CCDC91: variants seen among roughly 807,000 people sequenced by gnomAD.
CCDC91 encodes coiled-coil domain-containing protein 91.
In CCDC91, 48 loss-of-function variants were observed where a neutral mutation model predicts 63.2. The ratio of observed to expected loss-of-function variants is 0.76; its 90% CI spans 0.60 to 0.97. The LOEUF (loss-of-function observed/expected upper bound fraction) is 0.97, where lower values mean the gene tolerates loss of function less well. Ranked by LOEUF, CCDC91 falls within the 50% of genes least tolerant of loss-of-function variation. The probability of loss-of-function intolerance (pLI) is 0.00; values close to 1 mark genes in which losing one functional copy is unlikely to be tolerated. For synonymous variants in CCDC91, 167 were observed against 165.8 expected (o/e 1.01, Z -0.06); for missense variants, 500 against 494.6 (o/e 1.01, Z -0.10).
At chr12:28,372,057 G>A (rs1489657571) in intron 7 of CCDC91, among the ~76,000 whole-genome samples, 4 of 152,174 alleles carry the variant, frequency 2.6e-5, no homozygotes, top group African/African-American at 7.2e-5. Flanking sequence ...TCTATATGTG[G>A]ATATCCAGTT....
chr12:28,320,104 TATG>T (rs1314924271), intron 6 of CCDC91, among the ~76,000 whole-genome samples: 11 of 151,996 alleles, frequency 7.2e-5, no homozygotes. Flanking sequence ...CTATTATAAT[TATG>T]ATACTTTTTC....
intron 11 of CCDC91, among the ~76,000 whole-genome samples, chr12:28,470,175 A>G (rs1369886027): frequency 1.2e-4 from 18 of 152,274 alleles, no homozygotes; most frequent in Non-Finnish European, 2.2e-4. Context: ...AATATTTGCA[A>G]ACAACCCATC....
intron 12 of CCDC91, among the ~76,000 whole-genome samples, chr12:28,524,403 T>G (rs766310378): frequency 1.3e-5 from 2 of 152,166 alleles, no homozygotes; most frequent in African/African-American, 2.4e-5. Flanking sequence ...TGTATCACAT[T>G]TATTGACTTG....
At chr12:28,319,252 A>G (rs1457884462) in intron 6 of CCDC91, 2 of 152,014 alleles carry the variant, frequency 1.3e-5, no homozygotes, top group Admixed American at 1.3e-4. Context: ...TGTAAAAATA[A>G]TTCCATGATT....
rs532660826 is a variant in CCDC91, at chr12:28,253,210, G to T, written c.-14-3992G>T. Among the ~76,000 whole-genome samples, 202 of 152,262 alleles carry T rather than the reference G, an allele frequency of 1.3e-3. 1 individual carries two copies. The highest frequency in any genetic ancestry group is 4.5e-3 in the African/African-American group (187 of 41,542). On this transcript the variant is annotated intron_variant, in intron 1 of 12. Coordinates refer to ENST00000536442, the MANE Select transcript of CCDC91 (RefSeq NM_018318.5). ...TCTGATAAGGTCCTTTTCATGGGTT[G>T]AGTAGATTCATCACTGAAGAATCTG...
chr12:28,425,868 C>A (rs1290571844), intron 8 of CCDC91, among the ~76,000 whole-genome samples: 6 of 152,152 alleles, frequency 3.9e-5, no homozygotes, highest in African/African-American at 1.2e-4. Flanking sequence ...TCTGTTTCAG[C>A]AATCCCACCA....
At chr12:28,361,576 AT>A (rs146038101) in intron 6 of CCDC91, among the ~76,000 whole-genome samples, 1 of 150,624 alleles carries the variant, frequency 6.6e-6, no homozygotes, top group African/African-American at 2.4e-5. Context: ...TGTAGTCTTT[AT>A]TTTTTTTCAC....
At chr12:28,493,262 T>C (rs1023836615) in intron 12 of CCDC91, among the ~76,000 whole-genome samples, 2 of 151,768 alleles carry the variant, frequency 1.3e-5, no homozygotes, top group East Asian at 1.9e-4. Flanking sequence ...CTGCAAACTA[T>C]ATGGTGAGAT....
chr12:28,266,706 G>GTGT (rs1166312942), intron 3 of CCDC91, among the ~76,000 whole-genome samples: 1 of 151,816 alleles, frequency 6.6e-6, no homozygotes, highest in Non-Finnish European at 1.5e-5. Context: ...AAGGACTGTG[G>GTGT]TGTGCATTTT....
intron 1 of CCDC91, among the ~76,000 whole-genome samples, chr12:28,195,424 G>C (rs1308617744): frequency 6.6e-6 from 1 of 151,766 alleles, no homozygotes; most frequent in Non-Finnish European, 1.5e-5. Context: ...CGGAAGTCCA[G>C]CCGGCTTCAC....
chr12:28,310,031 T>C (rs1291698499), intron 6 of CCDC91, among the ~76,000 whole-genome samples: 1 of 152,066 alleles, frequency 6.6e-6, no homozygotes. Context: ...ATATAGTGCA[T>C]GTTCAATGAA....
intron 7 of CCDC91, among the ~76,000 whole-genome samples, chr12:28,387,689 C>T (rs1945689243): frequency 6.6e-6 from 1 of 152,186 alleles, no homozygotes; most frequent in South Asian, 2.1e-4. Context: ...AGTCTTCAGT[C>T]CCATCCAGGT....
At chr12:28,483,723 C>G (rs1566046220) in intron 11 of CCDC91, among the ~76,000 whole-genome samples, 1 of 152,078 alleles carries the variant, frequency 6.6e-6, no homozygotes. Context: ...AGTTGGAAGT[C>G]TTATGTGGAT....
At chr12:28,420,983 G>A (rs1289915112) in intron 8 of CCDC91, among the ~76,000 whole-genome samples, 1 of 151,900 alleles carries the variant, frequency 6.6e-6, no homozygotes, top group Non-Finnish European at 1.5e-5. Context: ...TTATATCCAT[G>A]TGTTACTTTC....
intron 1 of CCDC91, among the ~76,000 whole-genome samples, chr12:28,241,239 T>G (rs1945316492): frequency 6.6e-6 from 1 of 152,222 alleles, no homozygotes; most frequent in South Asian, 2.1e-4. Flanking sequence ...AAGAACATGC[T>G]TTCTTTTCAT....
At chr12:28,190,927 A>G (rs949561783) in intron 1 of CCDC91, among the ~76,000 whole-genome samples, 3 of 152,208 alleles carry the variant, frequency 2.0e-5, no homozygotes, top group African/African-American at 4.8e-5. Context: ...TCGAAAGTCT[A>G]CGCCCACGAA....
intron 7 of CCDC91, among the ~76,000 whole-genome samples, chr12:28,382,527 C>A (rs1216151348): frequency 6.6e-6 from 1 of 152,008 alleles, no homozygotes; most frequent in East Asian, 1.9e-4. Context: ...AGAAACTCTT[C>A]TTCTCCTCAT....
chr12:28,255,884 A>G (rs1946411897), intron 1 of CCDC91: 2 of 152,116 alleles, frequency 1.3e-5, no homozygotes, highest in Admixed American at 1.3e-4. Context: ...TGTTAGCACT[A>G]GTTTCCAGAA....
At chr12:28,544,083 AGCATGGTCAT>A (rs1041529955) in intron 12 of CCDC91, among the ~76,000 whole-genome samples, 1 of 151,924 alleles carries the variant, frequency 6.6e-6, no homozygotes, top group African/African-American at 2.4e-5. Flanking sequence ...TTTCAAACAA[AGCATGGTCAT>A]ACTCCTGCTG....
Sources: gnomAD v4.1 joint callset for allele counts (sites outside exome capture counted in the v4.1 genomes callset) on GRCh38, gnomAD v4.1.1 for gene constraint, MANE v1.5 for transcripts, NCBI Gene and HGNC (gene_info 2026-07-23, HGNC 2026-07-21) for gene names.